Variants in IQGAP1 observed in about 807,000 individuals in gnomAD.
IQGAP1 encodes IQ motif containing GTPase activating protein 1, also known as ras GTPase-activating-like protein IQGAP1.
Under a neutral mutation model 215.6 loss-of-function variants are expected in IQGAP1, and 66 were observed. The observed-to-expected ratio is 0.31, with a 90% CI of 0.25 to 0.38. IQGAP1 has a LOEUF of 0.38. Ranked by LOEUF, IQGAP1 falls within the 10% of genes least tolerant of loss-of-function variation. IQGAP1 has a pLI of 1.00. For missense variants in IQGAP1, 1,712 were observed against 1,997.1 expected (o/e 0.86, Z 2.72); for synonymous variants, 772 against 728.7 (o/e 1.06, Z -0.96).
At chr15:90,477,371 A>C (rs1173316887) in intron 25 of IQGAP1, 141 bp downstream of exon 25, 1 of 753,480 alleles carries the variant, frequency 1.3e-6, no homozygotes, top group Non-Finnish European at 2.1e-6. Context: ...TCTAATTTTT[A>C]AATAACTGAT....
At chr15:90,421,072 G>GTTGCAAT (rs1965128122) in intron 2 of IQGAP1, among the ~76,000 whole-genome samples, 2 of 152,232 alleles carry the variant, frequency 1.3e-5, no homozygotes, top group African/African-American at 4.8e-5. Flanking sequence ...GGAAGCCAGA[G>GTTGCAAT]GTTGCAATGA....
intron 3 of IQGAP1, among the ~76,000 whole-genome samples, chr15:90,427,797 C>G (rs968356956): frequency 6.6e-6 from 1 of 152,030 alleles, no homozygotes; most frequent in Non-Finnish European, 1.5e-5. Context: ...CAGAGGTTAC[C>G]TGTGAATCCT....
rs1254301676 is a variant in IQGAP1 at position 90,467,926 on chromosome 15, C to A, written c.2178+334C>A. On this transcript the variant is annotated intron_variant, in intron 18 of 37. Transcript: ENST00000268182. The stretch of plus-strand genomic sequence containing the variant: ...TTTTCAGTCTCTCTTCTAACTGTTC[C>A]ACAAATTATATTAGCTACAACCTGC... 9.9e-5 allele frequency among the ~76,000 whole-genome samples: 15 copies of A among 152,278 alleles called. No homozygotes were observed. The East Asian group carries it at 2.7e-3, about 27-fold the overall frequency.
intron 2 of IQGAP1, among the ~76,000 whole-genome samples, chr15:90,418,425 A>T (rs770319539): frequency 5.9e-5 from 9 of 151,854 alleles, no homozygotes; most frequent in Non-Finnish European, 1.2e-4. Flanking sequence ...TGTCTCTACA[A>T]ATAATTTTAA....
intron 37 of IQGAP1, among the ~76,000 whole-genome samples, chr15:90,497,636 C>G (rs1436881988): frequency 6.6e-6 from 1 of 152,192 alleles, no homozygotes; most frequent in Non-Finnish European, 1.5e-5. Flanking sequence ...AGTACACATG[C>G]TGACACTGCA....
intron 14 of IQGAP1, 42 bp downstream of exon 14, chr15:90,454,594 A>C: frequency 6.6e-7 from 1 of 1,503,784 alleles, no homozygotes; most frequent in South Asian, 1.4e-5. Context: ...GTCACCATTA[A>C]TGATGATGTG....
chr15:90,495,383 GAA>G (rs78637051), intron 36 of IQGAP1, among the ~76,000 whole-genome samples: 28 of 150,784 alleles, frequency 1.9e-4, no homozygotes, highest in Admixed American at 1.3e-3. Flanking sequence ...TTTAGGGGGG[GAA>G]AAAAAACAAC....
At chr15:90,486,613 C>A in intron 31 of IQGAP1, 1 of 215,510 alleles carries the variant, frequency 4.6e-6, no homozygotes, top group Admixed American at 5.6e-5. Flanking sequence ...AGGCTGGTCT[C>A]GAACTCCTGG....
chr15:90,452,927 C>G lies in IQGAP1; in HGVS notation c.1315C>G (p.Gln439Glu). 4 of 1,613,900 alleles carry G rather than the reference C, an allele frequency of 2.5e-6. No homozygotes were observed. Among genetic ancestry groups the G allele is most frequent in the Non-Finnish European group, 3.4e-6 (4 of 1,179,968 alleles). Residue 439 changes from glutamine (Q) to glutamate (E), a missense_variant, in exon 12 of 38, where the codon CAA becomes GAA. By Grantham distance (29) the Gln-to-Glu change is conservative. Transcript: ENST00000268182. Reference sequence around the variant, plus strand: ...GAAGGAGCTGGCTACCCTGCAGCGACAAAGTCCTGAAGTGAGTTCACTAAA... The same window carrying G: ...GAAGGAGCTGGCTACCCTGCAGCGAGAAAGTCCTGAAGTGAGTTCACTAAA... ...YQKELATLQR[Q>E]SPEHNLTHPE...
intron 22 of IQGAP1, 174 bp downstream of exon 22, chr15:90,474,307 C>G (rs2151032478): frequency 1.3e-6 from 1 of 752,428 alleles, no homozygotes; most frequent in South Asian, 1.8e-5. Flanking sequence ...TGGCTTGTTG[C>G]ATTAACCTTT....
Position 90,497,283 on chromosome 15 carries a change from C to G in IQGAP1, c.4803C>G (p.Phe1601Leu). Residue 1601 changes from phenylalanine to leucine, a missense_variant, in exon 37 of 38, where the codon TTC becomes TTG. Phe to Leu is a conservative substitution (Grantham distance 22). Coordinates refer to ENST00000268182, the MANE Select transcript of IQGAP1 (RefSeq NM_003870.4). ...EISPTEEVGDFEVKAKFMGVQ... is the reference protein window; with the variant it reads ...EISPTEEVGDLEVKAKFMGVQ... The stretch of plus-strand genomic sequence containing the variant: ...GTCCAACAGAAGAAGTTGGAGACTT[C>G]GAAGTGAAAGCCAAATTCATGGGAG... 2 of 1,611,496 alleles carry G rather than the reference C, an allele frequency of 1.2e-6. No individual in the cohort carries two copies. Among genetic ancestry groups the G allele is most frequent in the Non-Finnish European group, 1.7e-6 (2 of 1,177,792 alleles).
chr15:90,429,070 C>G (rs760115443), intron 3 of IQGAP1, among the ~76,000 whole-genome samples: 1 of 152,122 alleles, frequency 6.6e-6, no homozygotes, highest in Non-Finnish European at 1.5e-5. Context: ...CCAGGCTGAT[C>G]TCAAACTCCT....
intron 26 of IQGAP1, among the ~76,000 whole-genome samples, chr15:90,478,333 G>A (rs1966009556): frequency 6.6e-6 from 1 of 152,080 alleles, no homozygotes; most frequent in South Asian, 2.1e-4. Context: ...CTAAGTTGTT[G>A]ACCTAGTAAT....
At position 90,474,147 on chromosome 15, in the gene IQGAP1, T is replaced by C. The variant is rs1281297894; in HGVS notation, c.2575+14T>C. 2 of 1,602,722 alleles carry C rather than the reference T, an allele frequency of 1.2e-6. No homozygotes were observed. The highest frequency in any genetic ancestry group is 1.7e-5 in the Admixed American group (1 of 58,204). ...ACAAGACTCTCAGTGAGTAACTGGC[T>C]CCGCATGAAGAGTTGAGGCAGTGGC... On this transcript the variant is annotated intron_variant, in intron 22 of 37. Transcript: ENST00000268182.
intron 25 of IQGAP1, 109 bp from the exon 26 acceptor site, chr15:90,477,556 G>GA (rs1330170231): frequency 3.7e-6 from 3 of 815,170 alleles, no homozygotes; most frequent in Non-Finnish European, 6.0e-6. Flanking sequence ...GAGTGCTGGG[G>GA]AATGTTTCGA....
At chr15:90,481,895 C>T in intron 26 of IQGAP1, 65 bp from the exon 27 acceptor site, 1 of 1,542,902 alleles carries the variant, frequency 6.5e-7, no homozygotes, top group East Asian at 2.3e-5. Context: ...AAAGATAAGA[C>T]ACTTGCTTCA....
At chr15:90,466,469 A>G in intron 17 of IQGAP1, 33 bp downstream of exon 17, 6 of 1,608,530 alleles carry the variant, frequency 3.7e-6, no homozygotes, top group Non-Finnish European at 4.3e-6. Flanking sequence ...TGTGCCCTGA[A>G]GCTAACCCTT....
chr15:90,388,665 C>T (rs1256338276), intron 1 of IQGAP1, among the ~76,000 whole-genome samples: 1 of 152,108 alleles, frequency 6.6e-6, no homozygotes, highest in Non-Finnish European at 1.5e-5. Flanking sequence ...CGCCTCTCGC[C>T]GCCCAGGCTC....
chr15:90,451,716 A>G (rs1965606857), intron 11 of IQGAP1, among the ~76,000 whole-genome samples: 1 of 151,498 alleles, frequency 6.6e-6, no homozygotes. Flanking sequence ...AAACCATAGC[A>G]CTGTCTTTTC....
Sources: allele counts gnomAD v4.1 joint callset (sites outside exome capture counted in the v4.1 genomes callset), GRCh38; gene constraint gnomAD v4.1.1; transcripts MANE v1.5; gene names NCBI Gene and HGNC (gene_info 2026-07-23, HGNC 2026-07-21).